ME1: variants seen among roughly 807,000 people sequenced by gnomAD.
The protein encoded by ME1 is malic enzyme 1, also known as NADP-dependent malic enzyme.
In ME1, 74 loss-of-function variants were observed where a neutral mutation model predicts 66.4. The ratio of observed to expected loss-of-function variants is 1.11; its 90% CI spans 0.92 to 1.35. The LOEUF is 1.35. ME1 is among the 40% of genes most tolerant of loss of function. ME1 has a pLI of 0.00. For missense variants in ME1, 750 were observed against 694.1 expected (o/e 1.08, Z -0.90); for synonymous variants, 251 against 235.6 (o/e 1.07, Z -0.60).
chr6:83,407,843 G>A lies in ME1; in HGVS notation c.137C>T (p.Pro46Leu). ...CTGGATCTCCTGACTGTTGAAGGAA[G>A]GTGGCAACAATCCATGAATGTTCAA... The part of the protein sequence containing the change: ...QQLNIHGLLP[P>L]SFNSQEIQVL... The change falls in exon 2 of 14, where the codon CCT becomes CTT. Residue 46 changes from proline to leucine, a missense_variant. By Grantham distance (98) the Pro-to-Leu change is moderately conservative. Coordinates refer to ENST00000369705, the MANE Select transcript of ME1 (RefSeq NM_002395.6). 3.1e-6 allele frequency: 5 copies of A among 1,613,350 alleles called. No individual in the cohort carries two copies. Among genetic ancestry groups the A allele is most frequent in the Non-Finnish European group, 4.2e-6 (5 of 1,179,796 alleles).
chr6:83,283,456 C>A (rs746639094), intron 6 of ME1, among the ~76,000 whole-genome samples: 17 of 151,598 alleles, frequency 1.1e-4, no homozygotes, highest in Non-Finnish European at 2.4e-4. Context: ...AGCATTAGGA[C>A]AAATACCTAA....
intron 2 of ME1, among the ~76,000 whole-genome samples, chr6:83,402,160 G>A (rs1372353154): frequency 6.6e-6 from 1 of 152,188 alleles, no homozygotes; most frequent in Non-Finnish European, 1.5e-5. Context: ...ACAGAACAGT[G>A]GAATGTACTT....
At chr6:83,273,968 T>C (rs141039373) in intron 6 of ME1, among the ~76,000 whole-genome samples, 226 of 152,306 alleles carry the variant, frequency 1.5e-3, no homozygotes, top group Admixed American at 4.9e-3. Flanking sequence ...TCTTGCTTGA[T>C]TCACTATGTT....
At chr6:83,416,627 G>A (rs545479342) in intron 1 of ME1, among the ~76,000 whole-genome samples, 4 of 152,216 alleles carry the variant, frequency 2.6e-5, no homozygotes, top group Middle Eastern at 3.4e-3. Flanking sequence ...AGTGACTCAC[G>A]CCTCTAATCC....
chr6:83,237,425 AGAAAG>A (rs1790437158), intron 9 of ME1, among the ~76,000 whole-genome samples: 1 of 124,960 alleles, frequency 8.0e-6, no homozygotes, highest in Non-Finnish European at 1.6e-5. Context: ...AGAAAGAAAG[AGAAAG>A]GAAAGAAAGG....
intron 3 of ME1, among the ~76,000 whole-genome samples, chr6:83,391,266 A>G (rs1171649960): frequency 2.6e-5 from 4 of 152,180 alleles, no homozygotes; most frequent in Non-Finnish European, 5.9e-5. Flanking sequence ...AGACTACAAC[A>G]AGTGGCAAAA....
chr6:83,403,276 C>A (rs1411425889), intron 2 of ME1, among the ~76,000 whole-genome samples: 1 of 152,020 alleles, frequency 6.6e-6, no homozygotes, highest in East Asian at 1.9e-4. Flanking sequence ...GTGTCATAGT[C>A]CATTCAGTTT....
chr6:83,346,919 C>CTCCTTCCTTCCT (rs368621149), intron 4 of ME1, among the ~76,000 whole-genome samples: 1 of 151,452 alleles, frequency 6.6e-6, no homozygotes, highest in East Asian at 1.9e-4. Context: ...TTTTGTCTTT[C>CTCCTTCCTTCCT]TCCTTCCTTC....
At chr6:83,363,710 TTCC>T (rs1769047808) in intron 3 of ME1, among the ~76,000 whole-genome samples, 1 of 152,204 alleles carries the variant, frequency 6.6e-6, no homozygotes, top group Non-Finnish European at 1.5e-5. Context: ...TCATGGGTAT[TTCC>T]TCCTTCTTTT....
intron 5 of ME1, among the ~76,000 whole-genome samples, chr6:83,327,560 C>G (rs1439191378): frequency 3.9e-5 from 6 of 152,104 alleles, no homozygotes; most frequent in African/African-American, 9.7e-5. Flanking sequence ...AGGAAATTCC[C>G]GCCTAACAAA....
At chr6:83,228,693 G>C in intron 10 of ME1, 133 bp downstream of exon 10, 1 of 647,056 alleles carries the variant, frequency 1.5e-6, no homozygotes, top group East Asian at 2.6e-5. Flanking sequence ...GTCTCTACAG[G>C]GTACTGTCGC....
chr6:83,344,622 G>A (rs1383042749), intron 5 of ME1, among the ~76,000 whole-genome samples: 1 of 152,024 alleles, frequency 6.6e-6, no homozygotes, highest in Non-Finnish European at 1.5e-5. Context: ...GGTGGCTCAC[G>A]CCGGTAATCC....
intron 3 of ME1, among the ~76,000 whole-genome samples, chr6:83,357,935 C>CTCTCTCTCTCTCTCTATATA (rs1447805761): frequency 6.7e-5 from 2 of 30,040 alleles, no homozygotes; most frequent in African/African-American, 2.3e-4. Context: ...CTCTCTCTCT[C>CTCTCTCTCTCTCTCTATATA]TATATATATA....
chr6:83,330,044 C>T (rs1028777562), intron 5 of ME1, among the ~76,000 whole-genome samples: 2 of 152,124 alleles, frequency 1.3e-5, no homozygotes, highest in African/African-American at 4.8e-5. Context: ...TGGTCTTGAA[C>T]TCCTGGGCTC....
At chr6:83,269,649 G>A (rs116850432) in intron 6 of ME1, among the ~76,000 whole-genome samples, 2,376 of 152,088 alleles carry the variant, frequency 0.016, 36 homozygotes, top group Non-Finnish European at 0.022. Context: ...AATAATTACA[G>A]GCCTAAATGA....
intron 3 of ME1, among the ~76,000 whole-genome samples, chr6:83,376,804 C>CAAAA (rs70987750): frequency 3.0e-4 from 26 of 87,132 alleles, no homozygotes; most frequent in African/African-American, 7.8e-4. Flanking sequence ...CCCTGTCTCA[C>CAAAA]AAAAAAAAAA....
intron 2 of ME1, among the ~76,000 whole-genome samples, chr6:83,403,707 T>C (rs1769878304): frequency 1.3e-5 from 2 of 152,186 alleles, no homozygotes; most frequent in Non-Finnish European, 2.9e-5. Context: ...CGTGTCCATG[T>C]GTTCTCATTG....
chr6:83,293,833 T>C (rs1767548201), intron 6 of ME1, among the ~76,000 whole-genome samples: 1 of 152,168 alleles, frequency 6.6e-6, no homozygotes, highest in African/African-American at 2.4e-5. Flanking sequence ...TTCTCCAGAG[T>C]CACTTTTATA....
chr6:83,349,968 T>C (rs1339378338), intron 4 of ME1, among the ~76,000 whole-genome samples: 2 of 152,226 alleles, frequency 1.3e-5, no homozygotes, highest in Admixed American at 6.5e-5. Context: ...AAAGGTTGGA[T>C]TTAAGTTTCA....
Sources: gnomAD v4.1 joint callset for allele counts (sites outside exome capture counted in the v4.1 genomes callset) on GRCh38, gnomAD v4.1.1 for gene constraint, MANE v1.5 for transcripts, NCBI Gene and HGNC (gene_info 2026-07-23, HGNC 2026-07-21) for gene names.